Variants in PHF2 observed in about 807,000 individuals in gnomAD.
PHF2 encodes the protein lysine-specific demethylase PHF2.
A neutral mutation model predicts 120.5 loss-of-function variants in PHF2; 27 were observed. That is an observed-to-expected ratio of 0.22 (90% confidence interval 0.17 to 0.31). The LOEUF (loss-of-function observed/expected upper bound fraction) is 0.31, where lower values mean the gene tolerates loss of function less well. Ranked by LOEUF, PHF2 falls within the 10% of genes least tolerant of loss-of-function variation. The pLI, the probability that PHF2 is intolerant of heterozygous loss-of-function variation, is 1.00. For synonymous variants in PHF2, 568 were observed against 592.5 expected, an observed-to-expected ratio of 0.96 and a Z score of 0.60; for missense variants, 1,024 against 1,434.8, an observed-to-expected ratio of 0.71 and a Z score of 4.63.
intron 17 of PHF2, chr9:93,672,678 T>G (rs1419187860): frequency 4.7e-5 from 44 of 935,180 alleles, no homozygotes; most frequent in African/African-American, 3.4e-4. Flanking sequence ...GCAGGTGTGG[T>G]TGGAGGTACA....
chr9:93,601,246 C>CACATATA (rs1428168656), intron 1 of PHF2, among the ~76,000 whole-genome samples: 1 of 152,192 alleles, frequency 6.6e-6, no homozygotes, highest in Admixed American at 6.5e-5. Flanking sequence ...TGGCTGTCTG[C>CACATATA]ACATATACAG....
intron 3 of PHF2, 58 bp from the exon 4 acceptor site, chr9:93,645,571 T>C: frequency 6.0e-6 from 9 of 1,489,364 alleles, no homozygotes; most frequent in Non-Finnish European, 7.2e-6. Flanking sequence ...TGTCCACACC[T>C]GTCCCGGTGC....
Position 93,660,214 on chromosome 9 carries a change from C to T in PHF2, c.1352C>T (p.Pro451Leu), listed in dbSNP as rs141328143. ...LSENASKAVR[P>L]EVNTVASSDE... ...CAGAATGCCTCCAAAGCCGTCCGAC[C>T]GGAAGTGAATACTGTCGCCTCGTCA... Residue 451 changes from proline (P) to leucine (L), a missense_variant, in exon 12 of 22, where the codon CCG (proline) becomes CTG (leucine). Pro to Leu is a moderately conservative substitution (Grantham distance 98). Coordinates refer to ENST00000359246, the MANE Select transcript of PHF2 (RefSeq NM_005392.4). The T allele has an allele frequency of 4.1e-5, 64 of 1,576,666 alleles. No homozygotes were observed. The highest frequency in any genetic ancestry group is 1.7e-4 in the Middle Eastern group (1 of 5,874).
rs78679201 is a variant in PHF2, at chr9:93,585,329, G to A, written c.98+8458G>A. Among the ~76,000 whole-genome samples the A allele has an allele frequency of 7.3e-3, 1,108 of 152,212 alleles. 14 individuals carry two copies. Among genetic ancestry groups the A allele is most frequent in the African/African-American group, 0.026 (1,060 of 41,504 alleles). ...GGGTCTCCATCTCCTTTCCCTGACC[G>A]CCATCCTCCCCAGGGGCTATCTTTT... On this transcript the variant is annotated intron_variant, in intron 1 of 21. Coordinates refer to ENST00000359246, the MANE Select transcript of PHF2 (RefSeq NM_005392.4).
At chr9:93,652,647 T>C (rs1013950259) in intron 5 of PHF2, among the ~76,000 whole-genome samples, 1 of 152,190 alleles carries the variant, frequency 6.6e-6, no homozygotes, top group Non-Finnish European at 1.5e-5. Flanking sequence ...TGACATGTCA[T>C]TGAATTGAAG....
At chr9:93,673,486 G>A (rs768780399) in intron 17 of PHF2, 99 bp from the exon 18 acceptor site, 13 of 1,115,866 alleles carry the variant, frequency 1.2e-5, no homozygotes, top group Non-Finnish European at 1.5e-5. Flanking sequence ...TGGGCCAGGA[G>A]TTTGTGCAGG....
intron 17 of PHF2, among the ~76,000 whole-genome samples, chr9:93,667,970 A>G (rs1826713631): frequency 6.6e-6 from 1 of 152,226 alleles, no homozygotes; most frequent in South Asian, 2.1e-4. Flanking sequence ...ACCCAGGGCC[A>G]TGCTGCTAGC....
intron 4 of PHF2, among the ~76,000 whole-genome samples, chr9:93,648,632 C>A (rs549148064): frequency 2.6e-5 from 4 of 152,122 alleles, no homozygotes; most frequent in Non-Finnish European, 2.9e-5. Flanking sequence ...AAGGCTTTTC[C>A]CTTTATCAGT....
intron 4 of PHF2, among the ~76,000 whole-genome samples, chr9:93,647,350 G>A (rs113741585): frequency 3.9e-5 from 6 of 152,334 alleles, no homozygotes; most frequent in African/African-American, 1.4e-4. Context: ...GGTGGGGCCT[G>A]GTTTTTCCCC....
chr9:93,615,602 T>C (rs1190703469), intron 1 of PHF2, among the ~76,000 whole-genome samples: 11 of 151,148 alleles, frequency 7.3e-5, no homozygotes, highest in Admixed American at 6.6e-4. Context: ...GTCCCACAAT[T>C]GTTGGTGGCA....
intron 1 of PHF2, among the ~76,000 whole-genome samples, chr9:93,612,898 G>A (rs1285992942): frequency 6.6e-6 from 1 of 152,240 alleles, no homozygotes; most frequent in Non-Finnish European, 1.5e-5. Flanking sequence ...GCCCTGACAT[G>A]CTCTTGTTTG....
At chr9:93,595,694 A>G (rs1825319054) in intron 1 of PHF2, among the ~76,000 whole-genome samples, 1 of 152,254 alleles carries the variant, frequency 6.6e-6, no homozygotes. Flanking sequence ...CCCACTGGGC[A>G]TATGTGTGTA....
intron 1 of PHF2, among the ~76,000 whole-genome samples, chr9:93,604,724 A>G (rs1825508140): frequency 6.6e-6 from 1 of 152,104 alleles, no homozygotes; most frequent in South Asian, 2.1e-4. Flanking sequence ...TCGGCCTCCC[A>G]AAGTGCTGGG....
intron 1 of PHF2, among the ~76,000 whole-genome samples, chr9:93,583,835 T>C (rs1238401176): frequency 6.7e-6 from 1 of 150,246 alleles, no homozygotes; most frequent in Non-Finnish European, 1.5e-5. Flanking sequence ...TCTTTTTTTT[T>C]TTTTTTTTTT....
chr9:93,646,736 T>C (rs1266658712), intron 4 of PHF2, among the ~76,000 whole-genome samples: 2 of 152,064 alleles, frequency 1.3e-5, no homozygotes, highest in Non-Finnish European at 2.9e-5. Context: ...GCCACAGCTT[T>C]TCTCGGGAGC....
intron 4 of PHF2, among the ~76,000 whole-genome samples, chr9:93,646,333 G>A (rs1826259562): frequency 6.6e-6 from 1 of 152,266 alleles, no homozygotes; most frequent in African/African-American, 2.4e-5. Context: ...GGAAGCACCT[G>A]TGGGGGTGCC....
intron 13 of PHF2, 62 bp from the exon 14 acceptor site, chr9:93,663,454 AT>A (rs1826615537): frequency 1.0e-6 from 1 of 980,016 alleles, no homozygotes; most frequent in Admixed American, 2.1e-5. Flanking sequence ...ACTGACACTA[AT>A]TGGGGTCCTG....
intron 17 of PHF2, among the ~76,000 whole-genome samples, 158 bp from the exon 18 acceptor site, chr9:93,673,427 T>A (rs3829758): frequency 6.6e-6 from 1 of 151,808 alleles, no homozygotes; most frequent in Non-Finnish European, 1.5e-5. Flanking sequence ...AAGGGAGAAG[T>A]CATCAGCTCA....
In PHF2 at chr9:93,678,704, T is replaced by C. The variant is rs964047090; in HGVS notation, c.*1028T>C. On this transcript the variant is annotated 3_prime_UTR_variant, in exon 22 of 22. Transcript: ENST00000359246. Reference sequence around the variant, plus strand: ...TGTATTTCCTGAAGCATATTTTTCATAGAATGTAGCGTGTAAATAGCTTTT... The same window carrying C: ...TGTATTTCCTGAAGCATATTTTTCACAGAATGTAGCGTGTAAATAGCTTTT... 1 of 152,656 alleles carries C rather than the reference T, an allele frequency of 6.6e-6. No homozygotes were observed. Among genetic ancestry groups the C allele is most frequent in the Non-Finnish European group, 1.5e-5 (1 of 68,100 alleles). 9.5% of individuals were successfully genotyped at this position (152,656 alleles called of 1,614,324 possible). A position where few individuals can be genotyped will look rare whatever the true frequency, so the allele number is the denominator to read the frequency against.
Sources: allele counts gnomAD v4.1 joint callset (sites outside exome capture counted in the v4.1 genomes callset), GRCh38; gene constraint gnomAD v4.1.1; transcripts MANE v1.5; gene names NCBI Gene and HGNC (gene_info 2026-07-23, HGNC 2026-07-21).